Variants in KALRN observed in about 807,000 individuals in gnomAD.
KALRN encodes kalirin.
KALRN carries 70 observed loss-of-function variants against 353.7 expected under a neutral mutation model. The ratio of observed to expected loss-of-function variants is 0.20; its 90% CI spans 0.16 to 0.24. The LOEUF (loss-of-function observed/expected upper bound fraction) is 0.24. Ranked by LOEUF, KALRN falls within the 10% of genes least tolerant of loss-of-function variation. The probability of loss-of-function intolerance (pLI) is 1.00; values close to 1 mark genes in which losing one functional copy is unlikely to be tolerated. For synonymous variants in KALRN, 1,391 were observed against 1,434.8 expected, an observed-to-expected ratio of 0.97 and a Z score of 0.69; for missense variants, 2,791 against 3,756.7, an observed-to-expected ratio of 0.74 and a Z score of 6.72.
At chr3:124,581,287 A>G (rs1808092) in intron 34 of KALRN, among the ~76,000 whole-genome samples, 77,405 of 151,318 alleles carry the variant, frequency 0.51, 20,056 homozygotes, top group Middle Eastern at 0.6. Context: ...CAGCTACTCC[A>G]GAGGCTGATG....
chr3:124,626,056 A>G (rs1287681701), intron 34 of KALRN, among the ~76,000 whole-genome samples: 3 of 152,152 alleles, frequency 2.0e-5, no homozygotes, highest in Non-Finnish European at 4.4e-5. Context: ...ACACCAGCTT[A>G]GGCAACAGAG....
chr3:124,240,947 A>G (rs1379664500), intron 3 of KALRN, among the ~76,000 whole-genome samples: 2 of 152,168 alleles, frequency 1.3e-5, no homozygotes, highest in African/African-American at 4.8e-5. Context: ...AATAGTAATA[A>G]TGATAATAAT....
rs752764423 is a variant in KALRN at position 124,455,119 on chromosome 3, G to A, written c.3553-58G>A. 4.6e-5 allele frequency: 73 copies of A among 1,581,054 alleles called. No individual in the cohort carries two copies. In the Middle Eastern group the frequency reaches 2.7e-3, roughly 58 times the overall value. Reference sequence around the variant, plus strand: ...CTCTAAACAGGAAGAGAGGATTTGGGGTGAAGGGGCAGGAGAATAAATGTA... The same window carrying A: ...CTCTAAACAGGAAGAGAGGATTTGGAGTGAAGGGGCAGGAGAATAAATGTA... On this transcript the variant is annotated intron_variant, in intron 21 of 59. Coordinates refer to ENST00000682506, the MANE Select transcript of KALRN (RefSeq NM_001388419.1).
rs1032315445 is a variant in KALRN at position 124,422,907 on chromosome 3, A to G, written c.2638A>G (p.Asn880Asp). The change falls in exon 15 of 60, where the codon AAT becomes GAT. Residue 880 changes from asparagine to aspartate, a missense_variant. Transcript: ENST00000682506. ...LHEKQHELEL[N>D]AEQTHKRLEQ... ...TGAGAAGCAGCATGAATTGGAGCTC[A>G]ATGCAGAGCAGACTCATAAGCGGCT... The G allele has an allele frequency of 1.9e-6, 3 of 1,613,124 alleles. No homozygotes were observed. The Admixed American group carries it at 5.0e-5, about 27-fold the overall frequency.
intron 6 of KALRN, among the ~76,000 whole-genome samples, chr3:124,317,660 C>T (rs1304274601): frequency 8.4e-6 from 1 of 119,256 alleles, no homozygotes. Context: ...GTATTTCTAA[C>T]AAGCTGCTAG....
chr3:124,234,095 A>G (rs1007913466), intron 2 of KALRN, among the ~76,000 whole-genome samples: 6 of 152,222 alleles, frequency 3.9e-5, no homozygotes, highest in African/African-American at 1.2e-4. Context: ...TCATTTTGGT[A>G]TACTCCTTCC....
chr3:124,042,583 T>C (rs564201048), intron 1 of KALRN, among the ~76,000 whole-genome samples: 17 of 152,082 alleles, frequency 1.1e-4, no homozygotes, highest in Non-Finnish European at 7.4e-5. Flanking sequence ...ATCTTGGATG[T>C]TGATGTGTCA....
intron 19 of KALRN, among the ~76,000 whole-genome samples, chr3:124,442,344 G>T (rs1222874845): frequency 6.6e-6 from 1 of 152,172 alleles, no homozygotes; most frequent in African/African-American, 2.4e-5. Context: ...AATGGAAATT[G>T]CCTGTATCTA....
At chr3:124,129,928 C>T (rs1920619) in intron 1 of KALRN, among the ~76,000 whole-genome samples, 82,439 of 152,106 alleles carry the variant, frequency 0.54, 24,972 homozygotes, top group Non-Finnish European at 0.68. Context: ...CCTGCCCCTT[C>T]AAGGAACTTC....
At chr3:124,314,053 A>G (rs2078556234) in intron 6 of KALRN, among the ~76,000 whole-genome samples, 1 of 152,170 alleles carries the variant, frequency 6.6e-6, no homozygotes, top group Admixed American at 6.5e-5. Flanking sequence ...ATGCACACGT[A>G]TGTTTATTGC....
At chr3:124,156,718 A>G (rs537907484) in intron 1 of KALRN, among the ~76,000 whole-genome samples, 1 of 152,328 alleles carries the variant, frequency 6.6e-6, no homozygotes, top group Middle Eastern at 3.4e-3. Context: ...TCTTTTTCGC[A>G]TAATGCCATC....
At chr3:124,570,077 C>G (rs957720994) in intron 34 of KALRN, among the ~76,000 whole-genome samples, 1 of 152,148 alleles carries the variant, frequency 6.6e-6, no homozygotes, top group Admixed American at 6.5e-5. Flanking sequence ...AAAGTTCAGG[C>G]TCCTCTGCCT....
chr3:124,155,799 C>T (rs1920621), intron 1 of KALRN, among the ~76,000 whole-genome samples: 1 of 152,226 alleles, frequency 6.6e-6, no homozygotes, highest in Non-Finnish European at 1.5e-5. Flanking sequence ...AGGCTTGGCT[C>T]ATGCCCATTT....
chr3:124,655,621 T>C lies in KALRN; in HGVS notation c.5816T>C (p.Val1939Ala), dbSNP rs1370276338. Residue 1939 changes from valine to alanine, a missense_variant, in exon 39 of 60, where the codon GTA (valine) becomes GCA (alanine). Physicochemically the swap from Val to Ala is moderately conservative, Grantham distance 64 (BLOSUM62 0). Transcript: ENST00000682506. ...RGRMFVLNEL[V>A]QTEKDYVKDL... ...CTCAGGTTTGTCCTGAATGAGCTGGTACAGACAGAGAAAGACTATGTCAAG... is the reference window on the plus strand; with the variant it reads ...CTCAGGTTTGTCCTGAATGAGCTGGCACAGACAGAGAAAGACTATGTCAAG... 1 of 1,613,928 alleles carries C rather than the reference T, an allele frequency of 6.2e-7. No homozygotes were observed. The highest frequency in any genetic ancestry group is 8.5e-7 in the Non-Finnish European group (1 of 1,179,812).
At chr3:124,541,137 T>C (rs2068984402) in intron 33 of KALRN, among the ~76,000 whole-genome samples, 1 of 152,238 alleles carries the variant, frequency 6.6e-6, no homozygotes, top group Admixed American at 6.5e-5. Flanking sequence ...TTTGTGTATA[T>C]GTGTTTTGTT....
At position 124,264,552 on chromosome 3, in the gene KALRN, G is replaced by A. The variant is rs756117820; in HGVS notation, c.318G>A (p.Lys106=). 5 of 1,614,126 alleles carry A rather than the reference G, an allele frequency of 3.1e-6. No individual in the cohort carries two copies. The highest frequency in any genetic ancestry group is 4.2e-6 in the Non-Finnish European group (5 of 1,179,998). ...TCATCATCGACATGCGGGGCTCCAA[G>A]TGGGACCTCATCAAGCCCCTCCTCA... The part of the protein sequence containing the change: ...FTVIIDMRGS[K]WDLIKPLLKT... The change falls in exon 4 of 60, where the codon AAG becomes AAA. Residue 106 remains lysine (K), a synonymous_variant. Transcript: ENST00000682506.
chr3:124,369,088 C>G lies in KALRN; in HGVS notation c.1771-15757C>G, dbSNP rs549494998. Reference sequence around the variant, plus strand: ...GAGGGAGAGGGAGAGGGAGAGGACACTCTTTTGTCCTTTGCCTTACACCAA... The same window carrying G: ...GAGGGAGAGGGAGAGGGAGAGGACAGTCTTTTGTCCTTTGCCTTACACCAA... On this transcript the variant is annotated intron_variant, in intron 10 of 59. Coordinates refer to ENST00000682506, the MANE Select transcript of KALRN (RefSeq NM_001388419.1). Among the ~76,000 whole-genome samples the G allele has an allele frequency of 1.4e-4, 22 of 152,238 alleles. 1 individual carries two copies. In the East Asian group the frequency reaches 3.7e-3, roughly 25 times the overall value.
chr3:124,088,751 G>A (rs998672468), intron 1 of KALRN, among the ~76,000 whole-genome samples: 1 of 152,020 alleles, frequency 6.6e-6, no homozygotes, highest in Non-Finnish European at 1.5e-5. Context: ...CAAATTAATG[G>A]TACAAAAGGT....
intron 33 of KALRN, among the ~76,000 whole-genome samples, chr3:124,525,590 C>T (rs998021260): frequency 1.3e-5 from 2 of 152,158 alleles, no homozygotes; most frequent in African/African-American, 4.8e-5. Context: ...TGGTGTCTCA[C>T]AGATTCACGA....
Sources: allele counts gnomAD v4.1 joint callset (sites outside exome capture counted in the v4.1 genomes callset), GRCh38; gene constraint gnomAD v4.1.1; transcripts MANE v1.5; gene names NCBI Gene and HGNC (gene_info 2026-07-23, HGNC 2026-07-21).